PAPPA2: variants seen among roughly 807,000 people sequenced by gnomAD.
PAPPA2 encodes the protein pappalysin-2.
A neutral mutation model predicts 176.4 loss-of-function variants in PAPPA2; 86 were observed. The ratio of observed to expected loss-of-function variants is 0.49; its 90% confidence interval spans 0.41 to 0.58. The LOEUF is 0.58. Among genes scored for constraint, PAPPA2 ranks in the 20% least tolerant of loss-of-function variants. The probability of loss-of-function intolerance (pLI) is 0.00; values close to 1 mark genes in which losing one functional copy is unlikely to be tolerated. For missense variants in PAPPA2, 2,073 were observed against 2,256.9 expected (o/e 0.92, Z 1.65); for synonymous variants, 809 against 852.2 (o/e 0.95, Z 0.88).
intron 2 of PAPPA2, among the ~76,000 whole-genome samples, chr1:176,591,765 T>C (rs1653683243): frequency 6.6e-6 from 1 of 152,240 alleles, no homozygotes; most frequent in African/African-American, 2.4e-5. Flanking sequence ...TGAACAAGTA[T>C]GTATCACTGT....
rs553753111 is a variant in PAPPA2, at chr1:176,843,682, A to C, written c.*1228A>C. On this transcript the variant is annotated 3_prime_UTR_variant, in exon 23 of 23. Coordinates refer to ENST00000367662, the MANE Select transcript of PAPPA2 (RefSeq NM_020318.3). ...GGAAATGATATAGGGGAAAGGTGGG[A>C]GGAGATGAAAGAACAGGCAAGAGCT... is the stretch of plus-strand genomic sequence containing the variant. 13 of 152,218 alleles carry C rather than the reference A, an allele frequency of 8.5e-5. No homozygotes were observed. The highest frequency in any genetic ancestry group is 8.5e-4 in the Admixed American group (13 of 15,270). The allele number at this position is 152,218 out of a possible 1,614,324, so 9.4% of individuals were successfully genotyped here. A position where few individuals can be genotyped will look rare whatever the true frequency, so the allele number is the denominator to read the frequency against.
Position 176,556,452 on chromosome 1 carries a change from C to T in PAPPA2, c.130C>T (p.Leu44=). 3.1e-6 allele frequency: 5 copies of T among 1,614,178 alleles called. No homozygotes were observed. Among genetic ancestry groups the T allele is most frequent in the Non-Finnish European group, 4.2e-6 (5 of 1,180,046 alleles). ...TGAGAGGGAACACCTGAATCAGGTG[C>T]TGTTGGAAGGAGAACGTTGTTGGCT... ...LVEREHLNQV[L]LEGERCWLGA... is the part of the protein sequence containing the mutation. Residue 44 remains leucine, a synonymous_variant, in exon 2 of 23, where the codon CTG becomes TTG. Coordinates refer to ENST00000367662, the MANE Select transcript of PAPPA2 (RefSeq NM_020318.3).
intron 8 of PAPPA2, among the ~76,000 whole-genome samples, chr1:176,700,110 A>G (rs1354990768): frequency 6.6e-6 from 1 of 150,972 alleles, no homozygotes; most frequent in East Asian, 2.0e-4. Flanking sequence ...CCAATAACCA[A>G]CTCTCTTTTA....
intron 7 of PAPPA2, among the ~76,000 whole-genome samples, chr1:176,696,598 C>T (rs951231791): frequency 4.6e-5 from 7 of 152,182 alleles, no homozygotes; most frequent in Non-Finnish European, 1.0e-4. Context: ...GAATCTTTTT[C>T]CAGTTCAAGT....
At chr1:176,517,573 G>C (rs1648984495) in intron 1 of PAPPA2, among the ~76,000 whole-genome samples, 1 of 152,178 alleles carries the variant, frequency 6.6e-6, no homozygotes, top group African/African-American at 2.4e-5. Flanking sequence ...GTCATCCCAG[G>C]CTGTGAAACC....
At chr1:176,654,582 T>G (rs1269278221) in intron 3 of PAPPA2, among the ~76,000 whole-genome samples, 1 of 151,382 alleles carries the variant, frequency 6.6e-6, no homozygotes, top group African/African-American at 2.4e-5. Context: ...TTTTTCCATA[T>G]GAATTTTAGG....
Position 176,771,039 on chromosome 1 carries a change from G to A in PAPPA2, c.4574G>A (p.Cys1525Tyr). Reference sequence around the variant, plus strand: ...CCTGAAGTCTACTGCAAGTTGGAGTGTGATGCTCCCCCTATTATTCTGAAT... The same window carrying A: ...CCTGAAGTCTACTGCAAGTTGGAGTATGATGCTCCCCCTATTATTCTGAAT... ...SLPEVYCKLE[C>Y]DAPPIILNAN... Residue 1525 changes from cysteine (C) to tyrosine (Y), a missense_variant, in exon 17 of 23, where the codon TGT becomes TAT. Physicochemically the swap from Cys to Tyr is radical, Grantham distance 194. Transcript: ENST00000367662. The A allele has an allele frequency of 1.2e-6, 2 of 1,614,136 alleles. No individual in the cohort carries two copies.
chr1:176,690,966 A>G (rs1280663915), intron 5 of PAPPA2: 2 of 985,070 alleles, frequency 2.0e-6, no homozygotes, highest in Non-Finnish European at 2.4e-6. Flanking sequence ...GTCAAGCACA[A>G]ATTCTTAGCT....
At chr1:176,749,917 G>C (rs934099204) in intron 14 of PAPPA2, among the ~76,000 whole-genome samples, 14 of 152,124 alleles carry the variant, frequency 9.2e-5, no homozygotes, top group African/African-American at 2.7e-4. Flanking sequence ...TGGCAATTAT[G>C]AATAAAGCTG....
intron 4 of PAPPA2, among the ~76,000 whole-genome samples, chr1:176,682,693 T>C (rs1229130597): frequency 6.6e-6 from 1 of 152,100 alleles, no homozygotes; most frequent in Non-Finnish European, 1.5e-5. Context: ...GTTATTATTA[T>C]TATTTTTTAA....
At chr1:176,498,751 C>CACAA (rs762510082) in intron 1 of PAPPA2, among the ~76,000 whole-genome samples, 12 of 112,106 alleles carry the variant, frequency 1.1e-4, no homozygotes, top group South Asian at 3.0e-4. Flanking sequence ...CTCTTACCTC[C>CACAA]AAAAAAAAAA....
chr1:176,580,059 A>G (rs187632972), intron 2 of PAPPA2, among the ~76,000 whole-genome samples: 19 of 152,282 alleles, frequency 1.2e-4, no homozygotes, highest in African/African-American at 4.6e-4. Flanking sequence ...ATCATATATT[A>G]TTTTAACCAT....
At chr1:176,517,320 A>G (rs1162493739) in intron 1 of PAPPA2, among the ~76,000 whole-genome samples, 2 of 152,206 alleles carry the variant, frequency 1.3e-5, no homozygotes, top group African/African-American at 4.8e-5. Flanking sequence ...GATTCCAAAC[A>G]GAAGCCTTTT....
At chr1:176,656,511 A>G (rs1658042069) in intron 3 of PAPPA2, among the ~76,000 whole-genome samples, 1 of 151,870 alleles carries the variant, frequency 6.6e-6, no homozygotes. Context: ...AGGAATGGGC[A>G]ATGTAATTCC....
At chr1:176,822,784 G>A (rs921185476) in intron 21 of PAPPA2, among the ~76,000 whole-genome samples, 2 of 152,056 alleles carry the variant, frequency 1.3e-5, no homozygotes, top group Non-Finnish European at 2.9e-5. Context: ...TATGAAATTT[G>A]ATCTTTTACT....
chr1:176,700,615 G>T lies in PAPPA2; in HGVS notation c.3236+1026G>T, dbSNP rs185349580. 2.6e-3 allele frequency among the ~76,000 whole-genome samples: 403 copies of T among 152,276 alleles called. 10 individuals carry two copies. The highest frequency in any genetic ancestry group is 0.024 in the Admixed American group (373 of 15,306). ...CCTGGGCTTTTCATGGTAGTGGAAG[G>T]GTTTCCAGCAGCAGAGAGGGCAAGC... On this transcript the variant is annotated intron_variant, in intron 8 of 22. Transcript: ENST00000367662.
At position 176,521,071 on chromosome 1, in the gene PAPPA2, AGTGT is replaced by A. The variant is rs71643354; in HGVS notation, c.-916-34315_-916-34312del. On this transcript the variant is annotated intron_variant, in intron 1 of 22. Coordinates refer to ENST00000367662, the MANE Select transcript of PAPPA2 (RefSeq NM_020318.3). ...TTGATGTAAGAAAGCATAACACTGG[AGTGT>A]GTGTGTGTGTGTGTGTGTGTCAGAA... Among the ~76,000 whole-genome samples, 72 of 149,934 alleles carry A rather than the reference AGTGT, an allele frequency of 4.8e-4. 1 individual carries two copies. The highest frequency in any genetic ancestry group is 2.5e-3 in the Admixed American group (38 of 14,988).
intron 14 of PAPPA2, among the ~76,000 whole-genome samples, chr1:176,764,947 C>T (rs1663897142): frequency 6.6e-6 from 1 of 152,118 alleles, no homozygotes; most frequent in Non-Finnish European, 1.5e-5. Context: ...TCTAGATTGG[C>T]CCTGGCAATC....
intron 21 of PAPPA2, among the ~76,000 whole-genome samples, chr1:176,805,061 C>CCCTTCCTTCCTT (rs61431554): frequency 3.4e-5 from 5 of 146,948 alleles, no homozygotes; most frequent in African/African-American, 1.2e-4. Context: ...CTTCTTCCTT[C>CCCTTCCTTCCTT]CCTTCCTTCC....
Sources: gnomAD v4.1 joint callset for allele counts (sites outside exome capture counted in the v4.1 genomes callset) on GRCh38, gnomAD v4.1.1 for gene constraint, MANE v1.5 for transcripts, NCBI Gene and HGNC (gene_info 2026-07-23, HGNC 2026-07-21) for gene names.